Variants in TTN observed in about 807,000 individuals in gnomAD.
TTN encodes the protein connectin.
Under a neutral mutation model 3,223.0 loss-of-function variants are expected in TTN, and 1,525 were observed. The observed-to-expected ratio is 0.47, with a 90% confidence interval of 0.45 to 0.49. The LOEUF is 0.49. TTN is among the 20% of genes least tolerant of loss of function. TTN has a pLI of 0.00. For synonymous variants in TTN, 14,094 were observed against 15,161.0 expected, an observed-to-expected ratio of 0.93 and a Z score of 5.17; for missense variants, 40,786 against 43,424.0, an observed-to-expected ratio of 0.94 and a Z score of 5.40.
chr2:178,782,056 C>T (rs1363703706), intron 20 of TTN, among the ~76,000 whole-genome samples, 156 bp downstream of exon 20: 1 of 151,928 alleles, frequency 6.6e-6, no homozygotes, highest in Admixed American at 6.6e-5. Flanking sequence ...GAAGACTTTG[C>T]ACAAAAAAAA....
rs574383177 is a variant in TTN at position 178,589,972 on chromosome 2, T to A, written c.61753A>T (p.Asn20585Tyr). The A allele has an allele frequency of 1.9e-6, 3 of 1,613,188 alleles. No individual in the cohort carries two copies. The South Asian group carries it at 3.3e-5, about 18-fold the overall frequency. Residue 20585 changes from asparagine to tyrosine, a missense_variant, in exon 304 of 363, where the codon AAC (asparagine) becomes TAC (tyrosine). Asn to Tyr is a moderately radical substitution (Grantham distance 143). Transcript: ENST00000589042. The part of the protein sequence containing the change: ...NLKVTNVTKE[N>Y]CTISWENPLD... ...GGGTTTTCCCAAGAAATTGTACAGTTCTCTTTGGTTACATTGGTAACCTTC... is the reference window on the plus strand; with the variant it reads ...GGGTTTTCCCAAGAAATTGTACAGTACTCTTTGGTTACATTGGTAACCTTC...
Position 178,617,832 on chromosome 2 carries a change from C to T in TTN, c.47519G>A (p.Gly15840Glu), listed in dbSNP as rs1406279657. The change falls in exon 253 of 363, where the codon GGA becomes GAA. Residue 15840 changes from glycine to glutamate, a missense_variant. Transcript: ENST00000589042. ...SFRVRAQNRI[G>E]VGKPSAATPF... ...TGTGGCTGCACTTGGTTTTCCAACT[C>T]CAATTCGATTTTGGGCTCTCACTCG... 1 of 1,612,496 alleles carries T rather than the reference C, an allele frequency of 6.2e-7. No individual in the cohort carries two copies.
intron 284 of TTN, 32 bp from the exon 285 acceptor site, chr2:178,601,946 T>C: frequency 1.9e-6 from 3 of 1,612,736 alleles, no homozygotes; most frequent in Admixed American, 3.3e-5. Context: ...AGTTGTAGTA[T>C]AAATACTCCT....
chr2:178,546,980 T>C (rs944856964), intron 340 of TTN, 23 bp downstream of exon 340: 2 of 1,595,476 alleles, frequency 1.3e-6, no homozygotes, highest in East Asian at 2.2e-5. Context: ...TAAACAAATA[T>C]GCCCTTAAAT....
At chr2:178,779,641 T>C (rs1194769951) in intron 22 of TTN, among the ~76,000 whole-genome samples, 179 bp from the exon 23 acceptor site, 1 of 152,210 alleles carries the variant, frequency 6.6e-6, no homozygotes, top group Non-Finnish European at 1.5e-5. Flanking sequence ...TGTTGTGGCA[T>C]CTTGGGTAGA....
In TTN at chr2:178,563,151, G is replaced by A. The variant is rs201422612; in HGVS notation, c.82981C>T (p.Pro27661Ser). ...SEGVGEPATL[P>S]GSVVAQERIE... The stretch of plus-strand genomic sequence containing the variant: ...CTCTCCTGAGCAACCACTGAGCCAG[G>A]TAGAGTTGCAGGTTCACCTACACCT... Residue 27661 changes from proline to serine, a missense_variant, in exon 326 of 363, where the codon CCT (proline) becomes TCT (serine). Pro to Ser is a moderately conservative substitution (Grantham distance 74). Coordinates refer to ENST00000589042, the MANE Select transcript of TTN (RefSeq NM_001267550.2). This position sits in a 1 kb window ranked among gnomAD's most constrained non-coding sequence, Gnocchi z 4.5. 7.4e-5 allele frequency: 120 copies of A among 1,613,606 alleles called. No individual in the cohort carries two copies. The highest frequency in any genetic ancestry group is 4.3e-4 in the African/African-American group (32 of 74,892).
At position 178,756,641 on chromosome 2, in the gene TTN, A is replaced by G. The variant is rs746788555; in HGVS notation, c.10835T>C (p.Val3612Ala). Residue 3612 changes from valine to alanine, a missense_variant, in exon 46 of 363, where the codon GTT (valine) becomes GCT (alanine). Physicochemically the swap from Val to Ala is moderately conservative, Grantham distance 64 (BLOSUM62 0). Transcript: ENST00000589042. ...GGAACTTTGAGATACACTTTCAAAA[A>G]CCTGCACTTCATATTCATATGATGA... ...QGSSYEYEVQ[V>A]FESVSQSSIH... is the part of the protein sequence containing the mutation. The G allele has an allele frequency of 2.5e-6, 4 of 1,613,746 alleles. No individual in the cohort carries two copies. In the East Asian group the frequency reaches 6.7e-5, roughly 27 times the overall value.
Position 178,652,931 on chromosome 2 carries a change from A to G in TTN, c.38876T>C (p.Val12959Ala). ...PKKPEVPPVK[V>A]PEAPIEVVPE... is the part of the protein sequence containing the mutation. Reference sequence around the variant, plus strand: ...AACAACCTCTATGGGAGCCTCTGGCACTTAAAAGATATTAGTGAAATTACA... The same window carrying G: ...AACAACCTCTATGGGAGCCTCTGGCGCTTAAAAGATATTAGTGAAATTACA... Residue 12959 changes from valine to alanine, a missense_variant and splice_region_variant, in exon 200 of 363, where the codon GTG (valine) becomes GCG (alanine). Coordinates refer to ENST00000589042, the MANE Select transcript of TTN (RefSeq NM_001267550.2). 1 of 1,605,000 alleles carries G rather than the reference A, an allele frequency of 6.2e-7. No homozygotes were observed. The highest frequency in any genetic ancestry group is 8.5e-7 in the Non-Finnish European group (1 of 1,177,320).
intron 99 of TTN, among the ~76,000 whole-genome samples, 189 bp from the exon 100 acceptor site, chr2:178,708,002 A>T (rs992994965): frequency 1.6e-4 from 24 of 152,192 alleles, no homozygotes; most frequent in African/African-American, 5.8e-4. Flanking sequence ...TTTTAAAAAG[A>T]TAAAGGTTTA....
At chr2:178,545,751 C>G in intron 343 of TTN, 58 bp from the exon 344 acceptor site, 1 of 1,595,510 alleles carries the variant, frequency 6.3e-7, no homozygotes, top group Non-Finnish European at 8.6e-7. Flanking sequence ...ATAAGACTGC[C>G]CTTCTCCCTT....
intron 42 of TTN, 65 bp from the exon 43 acceptor site, chr2:178,764,367 A>G (rs2089979478): frequency 1.9e-6 from 3 of 1,612,802 alleles, no homozygotes; most frequent in Non-Finnish European, 2.5e-6. Flanking sequence ...AGAAGGGAGC[A>G]TGTAGGTTTA....
chr2:178,555,759 A>G (rs1048336127), intron 330 of TTN: 11 of 152,420 alleles, frequency 7.2e-5, no homozygotes, highest in African/African-American at 2.4e-4. Context: ...CTCAGCATGA[A>G]GATGGAAGTG....
At chr2:178,719,855 T>C (rs1221096636) in intron 81 of TTN, 23 bp from the exon 82 acceptor site, 1 of 1,588,078 alleles carries the variant, frequency 6.3e-7, no homozygotes, top group African/African-American at 1.4e-5. Flanking sequence ...GTATTTTGCA[T>C]TGAAAACAAA....
Position 178,579,410 on chromosome 2 carries a change from A to G in TTN, c.67637-17T>C, listed in dbSNP as rs2288571. 0.2 allele frequency: 303,607 copies of G among 1,553,320 alleles called. 36,548 individuals carry two copies. Among genetic ancestry groups the G allele is most frequent in the East Asian group, 0.62 (27,407 of 44,268 alleles). ...CAGGAGCCACTGTAAAATAGCAGAGATAAATTACTGTTATTTTTAAGGCCA... is the reference window on the plus strand; with the variant it reads ...CAGGAGCCACTGTAAAATAGCAGAGGTAAATTACTGTTATTTTTAAGGCCA... On this transcript the variant is annotated splice_polypyrimidine_tract_variant and intron_variant, in intron 319 of 362. Transcript: ENST00000589042.
At chr2:178,579,537 G>C in intron 319 of TTN, 24 bp downstream of exon 319, 1 of 1,607,694 alleles carries the variant, frequency 6.2e-7, no homozygotes, top group Non-Finnish European at 8.5e-7. Context: ...AAGGAAAAAT[G>C]AAGATGTGTG....
rs1703729439 is a variant in TTN at position 178,561,714 on chromosome 2, A to G, written c.84418T>C (p.Tyr28140His). The G allele has an allele frequency of 6.2e-7, 1 of 1,611,020 alleles. No individual in the cohort carries two copies. The highest frequency in any genetic ancestry group is 8.5e-7 in the Non-Finnish European group (1 of 1,177,992). The change falls in exon 326 of 363, where the codon TAC becomes CAC. Residue 28140 changes from tyrosine (Y) to histidine (H), a missense_variant. Transcript: ENST00000589042. ...GCAACAACAGCTGAAGATTCACTGT[A>G]GGAGCTCTTTCCATAGCGGTTTTCT... ...CAENRYGKSSYSESSAVVAEY... is the reference protein window; with the variant it reads ...CAENRYGKSSHSESSAVVAEY...
At position 178,572,272 on chromosome 2, in the gene TTN, TGGA is replaced by T. The variant is rs1264085838; in HGVS notation, c.73857_73859del (p.Pro24620del). 6.2e-7 allele frequency: 1 copy of T among 1,613,210 alleles called. No individual in the cohort carries two copies. Among genetic ancestry groups the T allele is most frequent in the South Asian group, 1.1e-5 (1 of 91,036 alleles). On this transcript the variant is annotated inframe_deletion, in exon 326 of 363. Transcript: ENST00000589042. ...TGACATCCATCAAAGTTATTTTTCC[TGGA>T]GGAAGAGGTCGTTCTGATGCTTTCA... is the stretch of plus-strand genomic sequence containing the variant.
rs1574368049 is a variant in TTN at position 178,756,407 on chromosome 2, T to A, written c.11069A>T (p.Asp3690Val). ...LCVLKDDSFI[D>V]VTWTHEGAKI... is the part of the protein sequence containing the mutation. ...TGCACCTTCGTGAGTCCAGGTTACA[T>A]CAATGAAAGAATCATCTTTTAAAAC... The change falls in exon 46 of 363, where the codon GAT becomes GTT. Residue 3690 changes from aspartate (D) to valine (V), a missense_variant. Physicochemically the swap from Asp to Val is radical, Grantham distance 152. Coordinates refer to ENST00000589042, the MANE Select transcript of TTN (RefSeq NM_001267550.2). 1 of 1,613,822 alleles carries A rather than the reference T, an allele frequency of 6.2e-7. No homozygotes were observed. The highest frequency in any genetic ancestry group is 8.5e-7 in the Non-Finnish European group (1 of 1,179,810).
In TTN at chr2:178,590,602, G is replaced by C. The variant is rs1576090518; in HGVS notation, c.61123C>G (p.Pro20375Ala). The change falls in exon 304 of 363, where the codon CCT becomes GCT. Residue 20375 changes from proline to alanine, a missense_variant. Pro to Ala is a conservative substitution (Grantham distance 27). Transcript: ENST00000589042. ...TTGTCTTTCAGTTTAGGATTAATAG[G>C]TGGTCCAGGTGGTTTGATGGGCCGG... is the stretch of plus-strand genomic sequence containing the variant. ...ACRPIKPPGP[P>A]INPKLKDKSR... 1.9e-6 allele frequency: 3 copies of C among 1,612,812 alleles called. No homozygotes were observed. In the South Asian group the frequency reaches 3.3e-5, roughly 18 times the overall value.
Sources: allele counts gnomAD v4.1 joint callset (sites outside exome capture counted in the v4.1 genomes callset), GRCh38; gene constraint gnomAD v4.1.1; non-coding constraint Gnocchi (gnomAD v3.1); transcripts MANE v1.5; gene names NCBI Gene and HGNC (gene_info 2026-07-23, HGNC 2026-07-21).